Variants in MAD1L1 observed in about 807,000 individuals in gnomAD.
The protein encoded by MAD1L1 is mitotic arrest deficient 1 like 1.
In MAD1L1, 95 loss-of-function variants were observed where a neutral mutation model predicts 96.9. The ratio of observed to expected loss-of-function variants is 0.98; its 90% CI spans 0.83 to 1.16. The LOEUF (loss-of-function observed/expected upper bound fraction) is 1.16, where lower values mean the gene tolerates loss of function less well. Among genes scored for constraint, MAD1L1 ranks in the 50% most tolerant of loss-of-function variants. MAD1L1 has a pLI of 0.00. For missense variants in MAD1L1, 1,007 were observed against 954.4 expected (o/e 1.06, Z -0.73); for synonymous variants, 473 against 396.6 (o/e 1.19, Z -2.29).
chr7:1,990,320 C>G (rs1450821342), intron 14 of MAD1L1, among the ~76,000 whole-genome samples: 3 of 152,180 alleles, frequency 2.0e-5, no homozygotes, highest in Non-Finnish European at 4.4e-5. Context: ...GCTGGGCATC[C>G]TGGCCAGAGG....
chr7:2,067,825 T>C (rs988918618), intron 12 of MAD1L1, among the ~76,000 whole-genome samples: 2 of 152,254 alleles, frequency 1.3e-5, no homozygotes, highest in Non-Finnish European at 2.9e-5. Context: ...AAAGCCCTTC[T>C]GCGGCACCAC....
At chr7:2,230,272 G>A in intron 2 of MAD1L1, 129 bp from the exon 3 acceptor site, 1 of 620,918 alleles carries the variant, frequency 1.6e-6, no homozygotes, top group Non-Finnish European at 2.7e-6. Context: ...ACCCATGCCT[G>A]TAACCACATT....
At chr7:2,138,594 A>C (rs1368688087) in intron 11 of MAD1L1, among the ~76,000 whole-genome samples, 1 of 152,148 alleles carries the variant, frequency 6.6e-6, no homozygotes, top group Non-Finnish European at 1.5e-5. Flanking sequence ...GAAGCAGCAG[A>C]TGGGGCCTCC....
intron 18 of MAD1L1, among the ~76,000 whole-genome samples, chr7:1,863,524 G>A (rs1364557861): frequency 1.3e-5 from 2 of 152,252 alleles, no homozygotes; most frequent in African/African-American, 4.8e-5. Context: ...CTGAAGGCCC[G>A]GGAGCCAGTA....
chr7:2,209,823 C>G (rs766988409), intron 10 of MAD1L1: 3 of 152,506 alleles, frequency 2.0e-5, no homozygotes, highest in Non-Finnish European at 1.5e-5. Context: ...GATGTCACCT[C>G]AGGTCCCCAC....
intron 10 of MAD1L1, among the ~76,000 whole-genome samples, chr7:2,164,001 T>A (rs1432612316): frequency 2.0e-5 from 3 of 152,098 alleles, no homozygotes; most frequent in African/African-American, 7.2e-5. Context: ...GTCCATTCAT[T>A]GCGAATCTGT....
chr7:1,982,005 G>A (rs1299633242), intron 14 of MAD1L1, among the ~76,000 whole-genome samples: 6 of 152,040 alleles, frequency 3.9e-5, no homozygotes, highest in Admixed American at 2.0e-4. Context: ...CAACCCCAGC[G>A]CCCCAGGCCC....
At chr7:1,873,980 G>C (rs1785243201) in intron 18 of MAD1L1, among the ~76,000 whole-genome samples, 2 of 151,722 alleles carry the variant, frequency 1.3e-5, no homozygotes, top group African/African-American at 4.8e-5. Context: ...CCCCACGCCA[G>C]GGTCAGTTCC....
At chr7:2,050,330 G>A (rs1784115213) in intron 12 of MAD1L1, among the ~76,000 whole-genome samples, 1 of 152,210 alleles carries the variant, frequency 6.6e-6, no homozygotes, top group African/African-American at 2.4e-5. Context: ...GGAACCTCAC[G>A]CGCCTGCTGG....
intron 17 of MAD1L1, among the ~76,000 whole-genome samples, chr7:1,899,972 C>T (rs1787140750): frequency 6.6e-6 from 1 of 152,234 alleles, no homozygotes; most frequent in Non-Finnish European, 1.5e-5. Flanking sequence ...GAACCTACCC[C>T]TTCACCCCAT....
intron 10 of MAD1L1, among the ~76,000 whole-genome samples, chr7:2,172,902 T>C (rs998135394): frequency 6.6e-6 from 1 of 152,240 alleles, no homozygotes; most frequent in African/African-American, 2.4e-5. Flanking sequence ...CACCGCGGTC[T>C]GTGCGCACAG....
intron 12 of MAD1L1, among the ~76,000 whole-genome samples, chr7:2,039,872 C>A (rs1783601161): frequency 1.3e-5 from 2 of 151,866 alleles, no homozygotes; most frequent in African/African-American, 4.8e-5. Context: ...TTGATGGAGT[C>A]CAACTTCAGT....
intron 10 of MAD1L1, among the ~76,000 whole-genome samples, chr7:2,167,091 G>A (rs1476194433): frequency 1.3e-5 from 2 of 152,312 alleles, no homozygotes; most frequent in Admixed American, 6.5e-5. Context: ...CAGTGGCATC[G>A]CAGATAGGAG....
chr7:1,862,173 G>A (rs1188258474), intron 18 of MAD1L1, among the ~76,000 whole-genome samples: 3 of 152,178 alleles, frequency 2.0e-5, no homozygotes, highest in Admixed American at 1.3e-4. Context: ...CCGCAGCCTC[G>A]GTGCTCTGGA....
intron 18 of MAD1L1, among the ~76,000 whole-genome samples, chr7:1,868,612 C>T (rs929904654): frequency 3.9e-5 from 6 of 152,180 alleles, no homozygotes; most frequent in African/African-American, 7.2e-5. Flanking sequence ...ATTTCTCCAG[C>T]GCGTCATGCG....
rs977084846 is a variant in MAD1L1, at chr7:2,146,460, G to A, written c.1073+2692C>T. Among the ~76,000 whole-genome samples the A allele has an allele frequency of 3.3e-5, 5 of 152,226 alleles. No homozygotes were observed. The highest frequency in any genetic ancestry group is 6.5e-5 in the Admixed American group (1 of 15,286). On this transcript the variant is annotated intron_variant, in intron 11 of 18. Coordinates refer to ENST00000265854, the MANE Select transcript of MAD1L1 (RefSeq NM_001013836.2). This position sits in a 1 kb window ranked among gnomAD's most constrained non-coding sequence, Gnocchi z 6.2. ...CACCCTGAGAAGCTCCTCAGATGGC[G>A]AGAACAGCGTTCACTACCAGGGAAA...
chr7:2,183,384 A>G (rs1328316016), intron 10 of MAD1L1, among the ~76,000 whole-genome samples: 4 of 152,210 alleles, frequency 2.6e-5, no homozygotes, highest in Non-Finnish European at 5.9e-5. Context: ...TCAATAATAG[A>G]AAGAAAGCAA....
At chr7:2,078,001 G>A (rs548848513) in intron 11 of MAD1L1, among the ~76,000 whole-genome samples, 10 of 152,294 alleles carry the variant, frequency 6.6e-5, no homozygotes, top group African/African-American at 2.2e-4. Flanking sequence ...CAGGGCAGAA[G>A]CAACACTGAG....
At chr7:1,960,095 T>A (rs1438205511) in intron 15 of MAD1L1, among the ~76,000 whole-genome samples, 6 of 152,022 alleles carry the variant, frequency 3.9e-5, no homozygotes, top group African/African-American at 1.5e-4. Context: ...TGAGAAGACG[T>A]AATATCACTT....
Sources: gnomAD v4.1 joint callset for allele counts (sites outside exome capture counted in the v4.1 genomes callset) on GRCh38, gnomAD v4.1.1 for gene constraint, Gnocchi (gnomAD v3.1) non-coding constraint, MANE v1.5 for transcripts, NCBI Gene and HGNC (gene_info 2026-07-23, HGNC 2026-07-21) for gene names.